The following AGO2 variants were observed in gnomAD, a reference collection of about 807,000 sequenced individuals.
AGO2 encodes the protein argonaute RISC catalytic component 2, also known as protein argonaute-2.
Under a neutral mutation model 102.3 loss-of-function variants are expected in AGO2, and 5 were observed. The ratio of observed to expected loss-of-function variants is 0.05; its 90% CI spans 0.03 to 0.10. AGO2 has a LOEUF of 0.10. Ranked by LOEUF, AGO2 falls within the 10% of genes least tolerant of loss-of-function variation. The pLI is 1.00. For synonymous variants in AGO2, 449 were observed against 473.1 expected (o/e 0.95, Z 0.66); for missense variants, 541 against 1,183.7 (o/e 0.46, Z 7.97).
chr8:140,609,208 G>T (rs1030801278), intron 1 of AGO2, among the ~76,000 whole-genome samples: 1 of 152,220 alleles, frequency 6.6e-6, no homozygotes, highest in African/African-American at 2.4e-5. Context: ...AGAGGACTGC[G>T]GGATCCTCAG....
At chr8:140,534,077 C>G (rs1039773269) in intron 17 of AGO2, among the ~76,000 whole-genome samples, 1 of 152,178 alleles carries the variant, frequency 6.6e-6, no homozygotes, top group Non-Finnish European at 1.5e-5. Flanking sequence ...TGTGCCGAGG[C>G]CCCTGGTGCT....
chr8:140,551,483 T>C (rs772677846), intron 10 of AGO2, 47 bp from the exon 11 acceptor site: 3 of 1,470,476 alleles, frequency 2.0e-6, no homozygotes, highest in South Asian at 1.4e-5. Context: ...GGAAAACATA[T>C]TCCTTCAACC....
At chr8:140,541,542 T>C (rs1277869954) in intron 14 of AGO2, 184 bp from the exon 15 acceptor site, 1 of 566,898 alleles carries the variant, frequency 1.8e-6, no homozygotes, top group Non-Finnish European at 3.1e-6. Flanking sequence ...CTGGCAATAG[T>C]GTTCGTAAAT....
rs2073121935 is a variant in AGO2 at position 140,557,655 on chromosome 8, CCGGCCGCACGGTGA to C, written c.879-433_879-420del. On this transcript the variant is annotated intron_variant, in intron 7 of 18. Transcript: ENST00000220592. This position sits in a 1 kb window ranked among gnomAD's most constrained non-coding sequence, Gnocchi z 5.9. ...ACGAGGAAAGCAGGCCAGGCCGGTTCCGGCCGCACGGTGACGGCAGGAGACGCCTGGGTGCAGTA... is the reference window on the plus strand; with the variant it reads ...ACGAGGAAAGCAGGCCAGGCCGGTTCCGGCAGGAGACGCCTGGGTGCAGTA... 6.6e-6 allele frequency among the ~76,000 whole-genome samples: 1 copy of C among 152,242 alleles called. No individual in the cohort carries two copies. Among genetic ancestry groups the C allele is most frequent in the Admixed American group, 6.5e-5 (1 of 15,288 alleles).
At chr8:140,597,743 G>A (rs569831031) in intron 1 of AGO2, among the ~76,000 whole-genome samples, 2 of 151,258 alleles carry the variant, frequency 1.3e-5, no homozygotes, top group African/African-American at 2.4e-5. Context: ...TCTGAGTTCC[G>A]TCCCACAGGG....
intron 12 of AGO2, 150 bp downstream of exon 12, chr8:140,548,964 G>A (rs1374053456): frequency 1.7e-5 from 17 of 971,862 alleles, no homozygotes; most frequent in Non-Finnish European, 2.2e-5. Context: ...TGGCAGTGAT[G>A]ACAAGCCACC....
intron 14 of AGO2, among the ~76,000 whole-genome samples, chr8:140,543,115 T>G (rs2072830173): frequency 6.6e-6 from 1 of 151,822 alleles, no homozygotes; most frequent in Non-Finnish European, 1.5e-5. Flanking sequence ...CCAGCCCGGG[T>G]GACAGTTACT....
intron 14 of AGO2, among the ~76,000 whole-genome samples, chr8:140,542,925 G>A (rs139255487): frequency 1.3e-5 from 2 of 152,338 alleles, no homozygotes; most frequent in African/African-American, 4.8e-5. Context: ...GATCACCTGA[G>A]GTCAGGAGTT....
At chr8:140,552,981 A>G (rs1208108691) in intron 10 of AGO2, among the ~76,000 whole-genome samples, 1 of 152,136 alleles carries the variant, frequency 6.6e-6, no homozygotes, top group Non-Finnish European at 1.5e-5. Context: ...TTGCTTTCTG[A>G]GGGATATTTT....
In AGO2 at chr8:140,567,391, C is replaced by A. The variant is rs2073304672; in HGVS notation, c.337-4757G>T. Among the ~76,000 whole-genome samples, 1 of 152,240 alleles carries A rather than the reference C, an allele frequency of 6.6e-6. No homozygotes were observed. ...GCTGCCAGCAGCAGGTGGTCCACACCCGAGACACTGCCGCCTCTCAACAGC... is the reference window on the plus strand; with the variant it reads ...GCTGCCAGCAGCAGGTGGTCCACACACGAGACACTGCCGCCTCTCAACAGC... On this transcript the variant is annotated intron_variant, in intron 3 of 18. Transcript: ENST00000220592. The surrounding 1 kb of genome is among the most constrained non-coding windows in gnomAD (Gnocchi z 5.0).
At position 140,539,305 on chromosome 8, in the gene AGO2, C is replaced by T. The variant is rs182548277; in HGVS notation, c.2169+15G>A. Reference sequence around the variant, plus strand: ...GAGAACCGTGCCCCCTGCCTGGAGTCATGCAGAAACTCACCCGCTCGTTCT... The same window carrying T: ...GAGAACCGTGCCCCCTGCCTGGAGTTATGCAGAAACTCACCCGCTCGTTCT... On this transcript the variant is annotated intron_variant, in intron 16 of 18. Transcript: ENST00000220592. The surrounding 1 kb of genome is among the most constrained non-coding windows in gnomAD (Gnocchi z 4.7). The T allele has an allele frequency of 2.5e-6, 4 of 1,592,890 alleles. No homozygotes were observed. The highest frequency in any genetic ancestry group is 1.7e-5 in the Admixed American group (1 of 57,902).
At chr8:140,625,704 G>C (rs1004914985) in intron 1 of AGO2, among the ~76,000 whole-genome samples, 2 of 152,144 alleles carry the variant, frequency 1.3e-5, no homozygotes, top group Non-Finnish European at 2.9e-5. Flanking sequence ...TCCCCGACCA[G>C]ATCCTGTGTT....
intron 2 of AGO2, among the ~76,000 whole-genome samples, chr8:140,577,294 G>A (rs973233210): frequency 2.6e-5 from 4 of 151,298 alleles, no homozygotes; most frequent in Admixed American, 6.6e-5. Context: ...ATGATTCCAC[G>A]TATAGGAAAC....
At chr8:140,599,107 T>C (rs1271378995) in intron 1 of AGO2, among the ~76,000 whole-genome samples, 1 of 152,164 alleles carries the variant, frequency 6.6e-6, no homozygotes, top group Non-Finnish European at 1.5e-5. Context: ...CCACTCACAA[T>C]GCCCAGCAGT....
upstream of AGO2, among the ~76,000 whole-genome samples, chr8:140,639,003 A>C (rs2074426551): frequency 6.6e-6 from 1 of 152,050 alleles, no homozygotes; most frequent in African/African-American, 2.4e-5. Flanking sequence ...TCAGCCTCCC[A>C]AGTTACTAGG....
In AGO2 at chr8:140,635,037, G is replaced by A. The variant is rs565190757; in HGVS notation, c.22+448C>T. ...GCCTCCACCCGCTCAGGCGCTCAGG[G>A]TCAGGCCGGGCCGGGCTGCGGCGCC... On this transcript the variant is annotated intron_variant, in intron 1 of 18. Coordinates refer to ENST00000220592, the MANE Select transcript of AGO2 (RefSeq NM_012154.5). Among the ~76,000 whole-genome samples, 18 of 150,096 alleles carry A rather than the reference G, an allele frequency of 1.2e-4. No individual in the cohort carries two copies. In the South Asian group the frequency reaches 3.3e-3, roughly 28 times the overall value.
rs768262847 is a variant in AGO2, at chr8:140,530,398, G to A, written c.*1646C>T. The A allele has an allele frequency of 6.6e-6, 1 of 152,484 alleles. No individual in the cohort carries two copies. Among genetic ancestry groups the A allele is most frequent in the Non-Finnish European group, 1.5e-5 (1 of 68,198 alleles). 9.4% of individuals were successfully genotyped at this position (152,484 alleles called of 1,614,324 possible). On this transcript the variant is annotated 3_prime_UTR_variant, in exon 19 of 19. Coordinates refer to ENST00000220592, the MANE Select transcript of AGO2 (RefSeq NM_012154.5). ...GGTAAGTGTCGCGCAGGGCCGGGGA[G>A]GGAACAGCAGCAGGAAGAGGGGACC... is the stretch of plus-strand genomic sequence containing the variant.
At chr8:140,544,651 C>T (rs1239009685) in intron 13 of AGO2, among the ~76,000 whole-genome samples, 1 of 152,178 alleles carries the variant, frequency 6.6e-6, no homozygotes, top group Non-Finnish European at 1.5e-5. Flanking sequence ...GGGTTTCTCA[C>T]CGCCACCCTT....
intron 1 of AGO2, among the ~76,000 whole-genome samples, chr8:140,613,192 T>C (rs2152102596): frequency 6.6e-6 from 1 of 152,022 alleles, no homozygotes; most frequent in East Asian, 1.9e-4. Flanking sequence ...AGAGCAAGAC[T>C]CCGTCTCAAA....
Sources: gnomAD v4.1 joint callset for allele counts (sites outside exome capture counted in the v4.1 genomes callset) on GRCh38, gnomAD v4.1.1 for gene constraint, Gnocchi (gnomAD v3.1) non-coding constraint, MANE v1.5 for transcripts, NCBI Gene and HGNC (gene_info 2026-07-23, HGNC 2026-07-21) for gene names.